NELL1: variants seen among roughly 807,000 people sequenced by gnomAD.
NELL1 encodes the protein protein kinase C-binding protein NELL1.
In NELL1, 76 loss-of-function variants were observed where a neutral mutation model predicts 107.4. The ratio of observed to expected loss-of-function variants is 0.71; its 90% CI spans 0.59 to 0.86. The LOEUF (loss-of-function observed/expected upper bound fraction) is 0.86. Ranked by LOEUF, NELL1 falls within the 40% of genes least tolerant of loss-of-function variation. The pLI is 0.00. For synonymous variants in NELL1, 353 were observed against 341.2 expected (o/e 1.03, Z -0.38); for missense variants, 1,024 against 1,005.5 (o/e 1.02, Z -0.25).
intron 13 of NELL1, among the ~76,000 whole-genome samples, chr11:21,176,391 G>T (rs933776396): frequency 2.0e-5 from 3 of 151,672 alleles, no homozygotes; most frequent in African/African-American, 4.9e-5. Context: ...TGTCTTACTC[G>T]CATGGGATTA....
At chr11:20,861,286 A>G (rs1432534516) in intron 4 of NELL1, among the ~76,000 whole-genome samples, 1 of 152,168 alleles carries the variant, frequency 6.6e-6, no homozygotes, top group Non-Finnish European at 1.5e-5. Flanking sequence ...AGCATTGTAC[A>G]TATTATTCTT....
chr11:20,939,619 A>T (rs1850806651), intron 10 of NELL1, among the ~76,000 whole-genome samples: 1 of 152,180 alleles, frequency 6.6e-6, no homozygotes, highest in Non-Finnish European at 1.5e-5. Context: ...CCTCTGTGTA[A>T]GGAGCCAGTT....
At chr11:21,156,842 C>T (rs1856248589) in intron 13 of NELL1, among the ~76,000 whole-genome samples, 1 of 151,512 alleles carries the variant, frequency 6.6e-6, no homozygotes, top group South Asian at 2.1e-4. Flanking sequence ...CCTGTAACCC[C>T]AGCACTTTGA....
chr11:21,221,930 C>T (rs1220095999), intron 13 of NELL1, among the ~76,000 whole-genome samples: 1 of 151,984 alleles, frequency 6.6e-6, no homozygotes, highest in Non-Finnish European at 1.5e-5. Context: ...TGGGCTCAAG[C>T]AATCTGCCTG....
chr11:20,874,789 A>G (rs1434320716), intron 4 of NELL1, among the ~76,000 whole-genome samples: 1 of 152,152 alleles, frequency 6.6e-6, no homozygotes, highest in Non-Finnish European at 1.5e-5. Context: ...GTGCCTCCTT[A>G]TAGCTTCCAC....
chr11:21,353,490 G>C (rs953226833), intron 14 of NELL1, among the ~76,000 whole-genome samples: 19 of 152,134 alleles, frequency 1.2e-4, no homozygotes, highest in Non-Finnish European at 2.6e-4. Context: ...CTATAAATTA[G>C]AAATACATTT....
intron 11 of NELL1, among the ~76,000 whole-genome samples, chr11:20,956,766 T>G (rs188255805): frequency 6.6e-6 from 1 of 152,330 alleles, no homozygotes; most frequent in African/African-American, 2.4e-5. Context: ...TCTCCTGACT[T>G]CTAGATCCAT....
intron 5 of NELL1, among the ~76,000 whole-genome samples, chr11:20,904,003 C>T (rs1360452846): frequency 1.3e-5 from 2 of 152,134 alleles, no homozygotes; most frequent in East Asian, 3.9e-4. Context: ...GGACAACAGT[C>T]TCTGGTTGTG....
intron 12 of NELL1, among the ~76,000 whole-genome samples, chr11:21,039,186 C>CA (rs1565027963): frequency 6.7e-6 from 1 of 149,444 alleles, no homozygotes; most frequent in Admixed American, 6.7e-5. Flanking sequence ...TTTTCTTTTT[C>CA]TTTTTTTTTT....
intron 2 of NELL1, among the ~76,000 whole-genome samples, chr11:20,727,947 C>T (rs572296648): frequency 3.3e-5 from 5 of 152,288 alleles, no homozygotes; most frequent in African/African-American, 9.6e-5. Flanking sequence ...CCATTTTTCT[C>T]CACAGCCTAA....
At chr11:21,413,962 T>G (rs1852440853) in intron 15 of NELL1, among the ~76,000 whole-genome samples, 1 of 152,096 alleles carries the variant, frequency 6.6e-6, no homozygotes, top group South Asian at 2.1e-4. Context: ...AAGATTTTTT[T>G]GTTGTTCACA....
intron 4 of NELL1, among the ~76,000 whole-genome samples, chr11:20,851,475 C>T (rs938454759): frequency 2.0e-5 from 3 of 152,028 alleles, no homozygotes; most frequent in African/African-American, 4.8e-5. Flanking sequence ...CTCCGGCTAC[C>T]TTTTATATTA....
intron 4 of NELL1, 57 bp downstream of exon 4, chr11:20,847,810 AG>A (rs1397657245): frequency 1.3e-6 from 2 of 1,504,530 alleles, no homozygotes; most frequent in Non-Finnish European, 1.8e-6. Context: ...GCAATGGAAA[AG>A]GGGAAAAAAT....
At chr11:20,984,415 C>A (rs2134248193) in intron 12 of NELL1, among the ~76,000 whole-genome samples, 1 of 152,208 alleles carries the variant, frequency 6.6e-6, no homozygotes, top group East Asian at 1.9e-4. Flanking sequence ...ATTCTCAGTT[C>A]TCTGATCTGC....
intron 2 of NELL1, among the ~76,000 whole-genome samples, chr11:20,712,254 T>A (rs1277946876): frequency 6.6e-6 from 1 of 152,168 alleles, no homozygotes; most frequent in Non-Finnish European, 1.5e-5. Context: ...GTTGAAACTT[T>A]CCCTTGTGTT....
At chr11:20,810,367 C>G (rs935219980) in intron 3 of NELL1, among the ~76,000 whole-genome samples, 1 of 152,094 alleles carries the variant, frequency 6.6e-6, no homozygotes, top group Non-Finnish European at 1.5e-5. Flanking sequence ...TTATCCCTCA[C>G]CCCCTCTCAC....
intron 12 of NELL1, among the ~76,000 whole-genome samples, chr11:21,065,372 G>T (rs79180482): frequency 0.01 from 1,545 of 152,102 alleles, 20 homozygotes; most frequent in Non-Finnish European, 0.017. Flanking sequence ...AACTTATCTT[G>T]AACTTGCTAG....
intron 2 of NELL1, among the ~76,000 whole-genome samples, chr11:20,760,685 C>T (rs576509996): frequency 5.1e-4 from 78 of 152,154 alleles, no homozygotes; most frequent in Non-Finnish European, 9.0e-4. Context: ...AGATTTCCAT[C>T]TGGGATTCTT....
intron 13 of NELL1, among the ~76,000 whole-genome samples, chr11:21,146,810 A>C (rs113165153): frequency 1.0e-4 from 12 of 116,756 alleles, no homozygotes; most frequent in African/African-American, 3.2e-4. Context: ...TTGCAGGCCA[A>C]GGTGGGGGGG....
Sources: gnomAD v4.1 joint callset for allele counts (sites outside exome capture counted in the v4.1 genomes callset) on GRCh38, gnomAD v4.1.1 for gene constraint, MANE v1.5 for transcripts, NCBI Gene and HGNC (gene_info 2026-07-23, HGNC 2026-07-21) for gene names.